HDHD2: variants seen among roughly 807,000 people sequenced by gnomAD.
HDHD2 encodes haloacid dehalogenase like hydrolase domain containing 2.
In HDHD2, 26 loss-of-function variants were observed where a neutral mutation model predicts 24.8. The observed-to-expected ratio is 1.05, with a 90% confidence interval of 0.77 to 1.45. The LOEUF (loss-of-function observed/expected upper bound fraction) is 1.45. Among genes scored for constraint, HDHD2 ranks in the 40% most tolerant of loss-of-function variants. The probability of loss-of-function intolerance (pLI) is 0.00; values close to 1 mark genes in which losing one functional copy is unlikely to be tolerated. For synonymous variants in HDHD2, 128 were observed against 114.9 expected (o/e 1.11, Z -0.73); for missense variants, 299 against 313.4 (o/e 0.95, Z 0.35).
chr18:47,129,613 C>G (rs899549968), intron 4 of HDHD2, among the ~76,000 whole-genome samples: 1 of 152,158 alleles, frequency 6.6e-6, no homozygotes, highest in African/African-American at 2.4e-5. Context: ...TACCACTCAT[C>G]AAATAATTTA....
rs2063547351 is a variant in HDHD2, at chr18:47,115,133, T to A, written c.611A>T (p.Asp204Val). The change falls in exon 5 of 7, where the codon GAT (aspartate) becomes GTT (valine). Residue 204 changes from aspartate to valine, a missense_variant and splice_region_variant. Asp to Val is a radical substitution (Grantham distance 152). Coordinates refer to ENST00000300605, the MANE Select transcript of HDHD2 (RefSeq NM_032124.5). ...CACCTCCTGGGTTCTTCTACTTACA[T>A]CTCCTATCATGACAGCCTCCTCAGG... is the stretch of plus-strand genomic sequence containing the variant. ...CEPEEAVMIGDDCRDDVGGAQ... is the reference protein window; with the variant it reads ...CEPEEAVMIGVDCRDDVGGAQ... 1.9e-6 allele frequency: 3 copies of A among 1,611,364 alleles called. No homozygotes were observed. The highest frequency in any genetic ancestry group is 1.8e-4 in the Middle Eastern group (1 of 5,550).
intron 4 of HDHD2, among the ~76,000 whole-genome samples, chr18:47,116,532 T>A (rs1473123741): frequency 6.6e-6 from 1 of 152,230 alleles, no homozygotes; most frequent in Non-Finnish European, 1.5e-5. Flanking sequence ...TTACAGGGCC[T>A]TACTGTTAGT....
intron 5 of HDHD2, among the ~76,000 whole-genome samples, chr18:47,114,415 A>G (rs2063540453): frequency 6.6e-6 from 1 of 152,192 alleles, no homozygotes; most frequent in Admixed American, 6.5e-5. Context: ...TTTGGACCAG[A>G]CATTTGTGAC....
At chr18:47,140,062 T>C (rs1401562546) in intron 1 of HDHD2, among the ~76,000 whole-genome samples, 3 of 152,224 alleles carry the variant, frequency 2.0e-5, no homozygotes, top group Non-Finnish European at 4.4e-5. Flanking sequence ...CTTTTCTTCA[T>C]ATTTTTTACC....
chr18:47,132,605 G>A lies in HDHD2; in HGVS notation c.310+1891C>T, dbSNP rs186734237. Among the ~76,000 whole-genome samples the A allele has an allele frequency of 3.3e-5, 5 of 152,234 alleles. No individual in the cohort carries two copies. The East Asian group carries it at 9.6e-4, about 29-fold the overall frequency. On this transcript the variant is annotated intron_variant, in intron 3 of 6. Coordinates refer to ENST00000300605, the MANE Select transcript of HDHD2 (RefSeq NM_032124.5). Reference sequence around the variant, plus strand: ...TCAGCAAAGTTGGTTTCTGTTTCTTGCAAATAATAATTCTGATTGATACAT... The same window carrying A: ...TCAGCAAAGTTGGTTTCTGTTTCTTACAAATAATAATTCTGATTGATACAT...
At chr18:47,124,899 T>A (rs2063643358) in intron 4 of HDHD2, among the ~76,000 whole-genome samples, 1 of 152,046 alleles carries the variant, frequency 6.6e-6, no homozygotes, top group African/African-American at 2.4e-5. Flanking sequence ...ATGCAATGGC[T>A]CACACCTGTA....
At chr18:47,123,858 C>T (rs977533477) in intron 4 of HDHD2, among the ~76,000 whole-genome samples, 13 of 152,124 alleles carry the variant, frequency 8.5e-5, no homozygotes, top group African/African-American at 3.1e-4. Flanking sequence ...TTTGTGACTT[C>T]AAAGTTGATT....
chr18:47,111,307 A>C (rs1021223890), intron 6 of HDHD2: 1 of 985,078 alleles, frequency 1.0e-6, no homozygotes, highest in Non-Finnish European at 1.2e-6. Flanking sequence ...AGCTGGGCCC[A>C]TCAAGACACT....
chr18:47,131,914 C>A (rs967357180), intron 3 of HDHD2, among the ~76,000 whole-genome samples: 4 of 152,108 alleles, frequency 2.6e-5, no homozygotes, highest in African/African-American at 9.7e-5. Flanking sequence ...GTTATGCCAC[C>A]AACCTCATAC....
At chr18:47,109,706 A>G (rs1599917474) in intron 6 of HDHD2, 1 of 152,328 alleles carries the variant, frequency 6.6e-6, no homozygotes, top group East Asian at 1.9e-4. Context: ...TACCTCCTTC[A>G]TGCTTCAGGT....
intron 4 of HDHD2, among the ~76,000 whole-genome samples, chr18:47,123,399 C>T (rs2063625852): frequency 6.6e-6 from 1 of 152,116 alleles, no homozygotes; most frequent in Non-Finnish European, 1.5e-5. Flanking sequence ...ACCAGCCTGA[C>T]CAACATGGCA....
At chr18:47,144,859 A>G (rs1336409374) in intron 1 of HDHD2, among the ~76,000 whole-genome samples, 3 of 152,004 alleles carry the variant, frequency 2.0e-5, no homozygotes, top group South Asian at 2.1e-4. Context: ...AAAGAAATCA[A>G]ATTATAAGAA....
chr18:47,147,695 T>C (rs1375127233), intron 1 of HDHD2, among the ~76,000 whole-genome samples: 2 of 152,202 alleles, frequency 1.3e-5, no homozygotes, highest in Admixed American at 1.3e-4. Flanking sequence ...GGAACTGTCA[T>C]AATACATATT....
chr18:47,136,212 A>C (rs1447571478), intron 2 of HDHD2, 127 bp downstream of exon 2: 9 of 1,145,766 alleles, frequency 7.9e-6, no homozygotes, highest in Middle Eastern at 5.0e-4. Flanking sequence ...GCTAAACCCA[A>C]GGCAGTTCCT....
chr18:47,144,243 C>G (rs532579192), intron 1 of HDHD2, among the ~76,000 whole-genome samples: 2 of 152,248 alleles, frequency 1.3e-5, no homozygotes, highest in South Asian at 4.1e-4. Flanking sequence ...ATCTTTTTCC[C>G]CATGGGCCTC....
chr18:47,119,819 G>T (rs923045756), intron 4 of HDHD2, among the ~76,000 whole-genome samples: 3 of 150,842 alleles, frequency 2.0e-5, no homozygotes, highest in African/African-American at 7.3e-5. Flanking sequence ...TTTTTAAATA[G>T]TAAGACTTGA....
intron 6 of HDHD2, among the ~76,000 whole-genome samples, chr18:47,111,967 C>A (rs2063519435): frequency 6.6e-6 from 1 of 152,114 alleles, no homozygotes; most frequent in South Asian, 2.1e-4. Context: ...CAAATGAGCT[C>A]ACAGAGACAT....
chr18:47,116,743 C>T (rs1568045014), intron 4 of HDHD2, among the ~76,000 whole-genome samples: 1 of 152,150 alleles, frequency 6.6e-6, no homozygotes, highest in Non-Finnish European at 1.5e-5. Context: ...GTCACCCCAC[C>T]CCCAAGCCCA....
intron 4 of HDHD2, among the ~76,000 whole-genome samples, chr18:47,129,605 C>T (rs1293486149): frequency 6.6e-6 from 1 of 152,122 alleles, no homozygotes; most frequent in Non-Finnish European, 1.5e-5. Context: ...CGTATCATTA[C>T]CACTCATCAA....
Sources: gnomAD v4.1 joint callset for allele counts (sites outside exome capture counted in the v4.1 genomes callset) on GRCh38, gnomAD v4.1.1 for gene constraint, MANE v1.5 for transcripts, NCBI Gene and HGNC (gene_info 2026-07-23, HGNC 2026-07-21) for gene names.